KRT37: variants seen among roughly 807,000 people sequenced by gnomAD.
KRT37 encodes keratin, type I cuticular Ha7.
KRT37 carries 38 observed loss-of-function variants against 41.9 expected under a neutral mutation model. The ratio of observed to expected loss-of-function variants is 0.91; its 90% CI spans 0.70 to 1.19. The LOEUF (loss-of-function observed/expected upper bound fraction) is 1.19. KRT37 is among the 50% of genes most tolerant of loss of function. The probability of loss-of-function intolerance (pLI) is 0.00; values close to 1 mark genes in which losing one functional copy is unlikely to be tolerated. For synonymous variants in KRT37, 252 were observed against 243.4 expected, an observed-to-expected ratio of 1.04 and a Z score of -0.33; for missense variants, 580 against 575.5, an observed-to-expected ratio of 1.01 and a Z score of -0.08.
intron 6 of KRT37, 36 bp downstream of exon 6, chr17:41,421,331 T>A: frequency 6.2e-7 from 1 of 1,602,110 alleles, no homozygotes; most frequent in Admixed American, 1.7e-5. Context: ...CTGACAGTCA[T>A]GTGTGTGGCT....
rs1226161319 is a variant in KRT37 at position 41,423,719 on chromosome 17, C to T, written c.575+43G>A. On this transcript the variant is annotated intron_variant, in intron 2 of 6. Transcript: ENST00000225550. Reference sequence around the variant, plus strand: ...GTAATGGGGCGGGCCCTTGGAAATACAGCAGGAGAGAAGTCACACTGACCC... The same window carrying T: ...GTAATGGGGCGGGCCCTTGGAAATATAGCAGGAGAGAAGTCACACTGACCC... The T allele has an allele frequency of 3.2e-6, 5 of 1,577,070 alleles. No individual in the cohort carries two copies. The Middle Eastern group carries it at 5.0e-4, about 157-fold the overall frequency.
chr17:41,422,689 C>T lies in KRT37; in HGVS notation c.732+89G>A. ...GCCCTGCATCCTTAGGCCAGCTGAG[C>T]CCAGGCAATGCTCTGAGAGCCCCAG... is the stretch of plus-strand genomic sequence containing the variant. On this transcript the variant is annotated intron_variant, in intron 3 of 6. Coordinates refer to ENST00000225550, the MANE Select transcript of KRT37 (RefSeq NM_003770.5). 5 of 1,202,922 alleles carry T rather than the reference C, an allele frequency of 4.2e-6. No individual in the cohort carries two copies. The South Asian group carries it at 8.8e-5, about 21-fold the overall frequency. The allele number at this position is 1,202,922 out of a possible 1,614,324, so 74.5% of individuals were successfully genotyped here.
Position 41,422,353 on chromosome 17 carries a change from C to T in KRT37, c.814G>A (p.Val272Met), listed in dbSNP as rs746212371. ...TACTGAGCCCGCATCTCCCCCAACA[C>T]CCTGTTCAGGTCAATGGTGGGCTCA... ...DIEPTIDLNR[V>M]LGEMRAQYEA... is the part of the protein sequence containing the mutation. The change falls in exon 4 of 7, where the codon GTG becomes ATG. Residue 272 changes from valine to methionine, a missense_variant. By Grantham distance (21) the Val-to-Met change is conservative. Transcript: ENST00000225550. 1.1e-5 allele frequency: 17 copies of T among 1,614,218 alleles called. No individual in the cohort carries two copies. The Admixed American group carries it at 1.7e-4, about 16-fold the overall frequency.
intron 3 of KRT37, 102 bp from the exon 4 acceptor site, chr17:41,422,536 C>G: frequency 6.8e-7 from 1 of 1,473,312 alleles, no homozygotes; most frequent in South Asian, 1.3e-5. Context: ...GAGGGGAGTC[C>G]CACACATAAG....
rs746051512 is a variant in KRT37, at chr17:41,420,742, C to T, written c.*136G>A. ...TTAGAGGCATAGGCAGGGAGCCACT[C>T]CTTGGAAGTATCTGCTACCGGTTGA... On this transcript the variant is annotated 3_prime_UTR_variant, in exon 7 of 7. Transcript: ENST00000225550. 9 of 580,294 alleles carry T rather than the reference C, an allele frequency of 1.6e-5. No individual in the cohort carries two copies. Among genetic ancestry groups the T allele is most frequent in the Non-Finnish European group, 2.8e-5 (9 of 322,684 alleles). The allele number at this position is 580,294 out of a possible 1,614,324, so 35.9% of individuals were successfully genotyped here. A position where few individuals can be genotyped will look rare whatever the true frequency, so the allele number is the denominator to read the frequency against.
chr17:41,421,763 A>G (rs996245242), intron 5 of KRT37, among the ~76,000 whole-genome samples, 176 bp from the exon 6 acceptor site: 4 of 152,276 alleles, frequency 2.6e-5, no homozygotes, highest in African/African-American at 9.6e-5. Context: ...CACAAATCTA[A>G]CTTAAGGAAC....
intron 2 of KRT37, 47 bp from the exon 3 acceptor site, chr17:41,422,981 C>A (rs1412773312): frequency 3.2e-6 from 5 of 1,579,466 alleles, no homozygotes; most frequent in East Asian, 4.5e-5. Context: ...CCCAATAGCC[C>A]CTCTCAGCTG....
Position 41,424,014 on chromosome 17 carries a change from G to C in KRT37, c.492+18C>G. The C allele has an allele frequency of 6.2e-7, 1 of 1,609,496 alleles. No individual in the cohort carries two copies. Among genetic ancestry groups the C allele is most frequent in the Non-Finnish European group, 8.5e-7 (1 of 1,176,480 alleles). On this transcript the variant is annotated intron_variant, in intron 1 of 6. Transcript: ENST00000225550. ...TGCCTTCTCAGACCCAGCATGCCCA[G>C]GCGATCCCACACCTCACCTTCTGCT...
At chr17:41,423,292 G>A (rs1480356564) in intron 2 of KRT37, 1 of 278,158 alleles carries the variant, frequency 3.6e-6, no homozygotes, top group Non-Finnish European at 6.7e-6. Context: ...CCTTCAGTTT[G>A]CTGCTTTTCC....
rs556300252 is a variant in KRT37 at position 41,422,854 on chromosome 17, A to T, written c.656T>A (p.Leu219Gln). Residue 219 changes from leucine (L) to glutamine (Q), a missense_variant, in exon 3 of 7, where the codon CTG (leucine) becomes CAG (glutamine). Leu to Gln is a moderately radical substitution (Grantham distance 113). Transcript: ENST00000225550. ...GTQKLLDDAT[L>Q]AKADLEAQQE... ...CTGGGCCTCCAGGTCGGCCTTGGCC[A>T]GGGTCGCGTCATCCAGGAGCTTCTG... 4.3e-6 allele frequency: 7 copies of T among 1,613,992 alleles called. No homozygotes were observed. Among genetic ancestry groups the T allele is most frequent in the Non-Finnish European group, 5.9e-6 (7 of 1,180,022 alleles).
At position 41,421,403 on chromosome 17, in the gene KRT37, G is replaced by T; in HGVS notation, c.1205C>A (p.Ala402Asp). Residue 402 changes from alanine to aspartate, a missense_variant, in exon 6 of 7, where the codon GCC becomes GAC. Coordinates refer to ENST00000225550, the MANE Select transcript of KRT37 (RefSeq NM_003770.5). ...GCTCTCCAGAAGGTTCCGGTATGTGGCAATCTCGTTCTCCAACCGGGCCTT... is the reference window on the plus strand; with the variant it reads ...GCTCTCCAGAAGGTTCCGGTATGTGTCAATCTCGTTCTCCAACCGGGCCTT... Reference protein sequence around the residue: ...DVKARLENEIATYRNLLESED... With the variant: ...DVKARLENEIDTYRNLLESED... 1 of 1,614,200 alleles carries T rather than the reference G, an allele frequency of 6.2e-7. No individual in the cohort carries two copies. The highest frequency in any genetic ancestry group is 8.5e-7 in the Non-Finnish European group (1 of 1,180,030).
intron 5 of KRT37, among the ~76,000 whole-genome samples, chr17:41,421,835 T>C (rs2018543502): frequency 6.6e-6 from 1 of 152,218 alleles, no homozygotes; most frequent in South Asian, 2.1e-4. Context: ...TAAAATCTTG[T>C]GGAGTGAGTG....
At chr17:41,423,014 C>G in intron 2 of KRT37, 80 bp from the exon 3 acceptor site, 1 of 1,518,998 alleles carries the variant, frequency 6.6e-7, no homozygotes, top group Middle Eastern at 1.8e-4. Context: ...ACCTCCCACA[C>G]CACCTTGGAT....
chr17:41,422,234 G>A, intron 4 of KRT37, 39 bp downstream of exon 4: 2 of 1,613,878 alleles, frequency 1.2e-6, no homozygotes, highest in South Asian at 2.2e-5. Context: ...CTGCTCAGAT[G>A]GAGGCCAGGT....
In KRT37 at chr17:41,422,148, T is replaced by C. The variant is rs1401250356; in HGVS notation, c.941A>G (p.Gln314Arg). The change falls in exon 5 of 7, where the codon CAG becomes CGG. Residue 314 changes from glutamine (Q) to arginine (R), a missense_variant. Coordinates refer to ENST00000225550, the MANE Select transcript of KRT37 (RefSeq NM_003770.5). ...LQAMSCSEEL[Q>R]CCQSEILELR... ...CTCCAGGATCTCCGACTGGCAGCAC[T>C]GCAGCTCCTCGGAGCAGGACATGGC... 3.1e-6 allele frequency: 5 copies of C among 1,614,196 alleles called. No individual in the cohort carries two copies. The highest frequency in any genetic ancestry group is 4.2e-6 in the Non-Finnish European group (5 of 1,180,030).
At chr17:41,423,214 A>G in intron 2 of KRT37, 2 of 392,180 alleles carry the variant, frequency 5.1e-6, no homozygotes, top group East Asian at 3.8e-5. Context: ...CTTCAAATGC[A>G]GCATTTATTC....
At chr17:41,421,236 G>A (rs143995384) in intron 6 of KRT37, 131 bp downstream of exon 6, 2 of 988,994 alleles carry the variant, frequency 2.0e-6, no homozygotes, top group African/African-American at 1.6e-5. Flanking sequence ...AGAGGTTAAT[G>A]AGTCACTGAG....
chr17:41,421,476 C>T lies in KRT37; in HGVS notation c.1132G>A (p.Ala378Thr). 2 of 1,614,216 alleles carry T rather than the reference C, an allele frequency of 1.2e-6. No homozygotes were observed. Among genetic ancestry groups the T allele is most frequent in the Non-Finnish European group, 1.7e-6 (2 of 1,180,040 alleles). Residue 378 changes from alanine to threonine, a missense_variant, in exon 6 of 7, where the codon GCC becomes ACC. Ala to Thr is a moderately conservative substitution (Grantham distance 58). Transcript: ENST00000225550. ...NLEEQLSEIR[A>T]DLERQNQEYQ... ...TCCTGGTTCTGCCGCTCCAGGTCGG[C>T]CCGGATCTCAGACAACTGCTCTTCC...
chr17:41,422,678 G>A, intron 3 of KRT37, 100 bp downstream of exon 3: 6 of 1,233,060 alleles, frequency 4.9e-6, no homozygotes, highest in Middle Eastern at 2.8e-4. Flanking sequence ...TGCATCCTTA[G>A]GCCAGCTGAG....
Sources: allele counts gnomAD v4.1 joint callset (sites outside exome capture counted in the v4.1 genomes callset), GRCh38; gene constraint gnomAD v4.1.1; transcripts MANE v1.5; gene names NCBI Gene and HGNC (gene_info 2026-07-23, HGNC 2026-07-21).